SV2B: variants seen among roughly 807,000 people sequenced by gnomAD.
SV2B encodes the protein synaptic vesicle glycoprotein 2B, also known as solute carrier family 22 member B2.
A neutral mutation model predicts 73.9 loss-of-function variants in SV2B; 41 were observed. The ratio of observed to expected loss-of-function variants is 0.56; its 90% CI spans 0.43 to 0.72. The LOEUF is 0.72. Among genes scored for constraint, SV2B ranks in the 30% least tolerant of loss-of-function variants. The pLI is 0.00. For missense variants in SV2B, 764 were observed against 857.8 expected (o/e 0.89, Z 1.37); for synonymous variants, 314 against 314.2 (o/e 1.00, Z 0.01).
rs1331494233 is a variant in SV2B, at chr15:91,139,399, T to C, written c.-392+39036T>C. ...CAAGGAACCTCTCTCTAACCCTAAA[T>C]AACAACAGCCATAATATCAACAGCA... On this transcript the variant is annotated intron_variant, in intron 1 of 12. Coordinates refer to ENST00000394232, the MANE Select transcript of SV2B (RefSeq NM_001323032.3). The surrounding 1 kb of genome is among the most constrained non-coding windows in gnomAD (Gnocchi z 5.2). Among the ~76,000 whole-genome samples, 1 of 151,764 alleles carries C rather than the reference T, an allele frequency of 6.6e-6. No individual in the cohort carries two copies. The highest frequency in any genetic ancestry group is 1.5e-5 in the Non-Finnish European group (1 of 67,954).
chr15:91,219,445 A>C (rs911294643), intron 1 of SV2B, among the ~76,000 whole-genome samples: 2 of 152,190 alleles, frequency 1.3e-5, no homozygotes, highest in African/African-American at 4.8e-5. Context: ...TTAAGACATG[A>C]CAAAATCCTG....
chr15:91,292,705 G>A lies in SV2B; in HGVS notation c.*153G>A, dbSNP rs1048732279. 6.6e-5 allele frequency: 61 copies of A among 917,316 alleles called. 1 individual carries two copies. The highest frequency in any genetic ancestry group is 9.2e-5 in the Non-Finnish European group (59 of 638,578). 56.8% of individuals were successfully genotyped at this position (917,316 alleles called of 1,614,324 possible). On this transcript the variant is annotated 3_prime_UTR_variant, in exon 13 of 13. Transcript: ENST00000394232. ...CCCTAGTTTAGGACCCACTTCAGCTGTCAATATGTTTGTAACTCAGGTGAC... is the reference window on the plus strand; with the variant it reads ...CCCTAGTTTAGGACCCACTTCAGCTATCAATATGTTTGTAACTCAGGTGAC...
rs2042694687 is a variant in SV2B, at chr15:91,132,782, G to A, written c.-392+32419G>A. ...TTGAGCCCAGGAGTTTGAGGCTGCA[G>A]TGAGCTATAGTCGCACCACTGCACT... On this transcript the variant is annotated intron_variant, in intron 1 of 12. Coordinates refer to ENST00000394232, the MANE Select transcript of SV2B (RefSeq NM_001323032.3). The surrounding 1 kb of genome is among the most constrained non-coding windows in gnomAD (Gnocchi z 4.6). Among the ~76,000 whole-genome samples, 1 of 152,132 alleles carries A rather than the reference G, an allele frequency of 6.6e-6. No individual in the cohort carries two copies. The highest frequency in any genetic ancestry group is 1.5e-5 in the Non-Finnish European group (1 of 68,002).
At chr15:91,218,211 A>G (rs1389325205) in intron 1 of SV2B, among the ~76,000 whole-genome samples, 2 of 152,200 alleles carry the variant, frequency 1.3e-5, no homozygotes, top group Non-Finnish European at 2.9e-5. Flanking sequence ...TTGGAGGACA[A>G]AAGGGCATGG....
chr15:91,285,876 G>A (rs1386604755), intron 11 of SV2B, among the ~76,000 whole-genome samples: 1 of 152,134 alleles, frequency 6.6e-6, no homozygotes, highest in Non-Finnish European at 1.5e-5. Flanking sequence ...ACAGAAGTGG[G>A]GTGGGGGTGT....
rs1320793382 is a variant in SV2B at position 91,265,154 on chromosome 15, G to A, written c.1009-1428G>A. 3.9e-5 allele frequency among the ~76,000 whole-genome samples: 6 copies of A among 152,196 alleles called. No homozygotes were observed. The highest frequency in any genetic ancestry group is 7.3e-5 in the Non-Finnish European group (5 of 68,048). On this transcript the variant is annotated intron_variant, in intron 6 of 12. Transcript: ENST00000394232. The surrounding 1 kb of genome is among the most constrained non-coding windows in gnomAD (Gnocchi z 4.2). ...TCCTGTGCGTGTCCCATCAGCAGAC[G>A]TGCTCATAGATGTATTCAGTGGCCT...
At chr15:91,237,764 C>T (rs150889203) in intron 2 of SV2B, among the ~76,000 whole-genome samples, 8 of 152,284 alleles carry the variant, frequency 5.3e-5, no homozygotes, top group Non-Finnish European at 1.0e-4. Flanking sequence ...AGGAACGATC[C>T]CCACATGGCT....
At chr15:91,107,289 A>ATTTGTTTGTTTGTTTG (rs1274580877) in intron 1 of SV2B, among the ~76,000 whole-genome samples, 43 of 148,142 alleles carry the variant, frequency 2.9e-4, no homozygotes, top group Admixed American at 2.1e-3. Context: ...TCATTACTTT[A>ATTTGTTTGTTTGTTTG]TTTGTTTGTT....
intron 6 of SV2B, among the ~76,000 whole-genome samples, chr15:91,264,704 A>G (rs1317586105): frequency 6.6e-6 from 1 of 152,196 alleles, no homozygotes; most frequent in East Asian, 1.9e-4. Flanking sequence ...CTTAGCCAGG[A>G]AATAAATAAA....
At chr15:91,116,394 A>G (rs1397570010) in intron 1 of SV2B, among the ~76,000 whole-genome samples, 2 of 152,214 alleles carry the variant, frequency 1.3e-5, no homozygotes, top group Admixed American at 1.3e-4. Context: ...CGTTATTTGT[A>G]TAATCCCAGC....
At position 91,281,977 on chromosome 15, in the gene SV2B, A is replaced by G. The variant is rs988699437; in HGVS notation, c.1507+116A>G. On this transcript the variant is annotated intron_variant, in intron 10 of 12. Transcript: ENST00000394232. This position sits in a 1 kb window ranked among gnomAD's most constrained non-coding sequence, Gnocchi z 4.7. ...AGTAGGAAAGTATTCGTAGATACAA[A>G]TGCCAAGCCTTGGTGGGGAAATGGA... 28 of 1,229,742 alleles carry G rather than the reference A, an allele frequency of 2.3e-5. No homozygotes were observed. Among genetic ancestry groups the G allele is most frequent in the Non-Finnish European group, 2.8e-5 (26 of 921,298 alleles). 76.2% of individuals were successfully genotyped at this position (1,229,742 alleles called of 1,614,324 possible).
rs770580724 is a variant in SV2B at position 91,240,611 on chromosome 15, T to A, written c.452-11208T>A. Among the ~76,000 whole-genome samples the A allele has an allele frequency of 3.9e-5, 6 of 152,168 alleles. No homozygotes were observed. The highest frequency in any genetic ancestry group is 7.4e-5 in the Non-Finnish European group (5 of 68,020). ...GAGTAAAGAAGATTCTAGAATTCAA[T>A]GTATTCTTGGTAAGCTTCCCAGCAT... On this transcript the variant is annotated intron_variant, in intron 2 of 12. Coordinates refer to ENST00000394232, the MANE Select transcript of SV2B (RefSeq NM_001323032.3). The surrounding 1 kb of genome is among the most constrained non-coding windows in gnomAD (Gnocchi z 4.6).
At chr15:91,173,650 G>T (rs2044203082) in intron 1 of SV2B, among the ~76,000 whole-genome samples, 1 of 152,142 alleles carries the variant, frequency 6.6e-6, no homozygotes, top group South Asian at 2.1e-4. Flanking sequence ...TTCCTAAGTG[G>T]TTGCCCAGTT....
chr15:91,211,451 T>G (rs1175705758), intron 1 of SV2B, among the ~76,000 whole-genome samples: 2 of 151,846 alleles, frequency 1.3e-5, no homozygotes, highest in South Asian at 4.2e-4. Flanking sequence ...TCTTCTTCCA[T>G]CTTCTTCCTC....
chr15:91,179,745 G>A (rs1428118935), intron 1 of SV2B, among the ~76,000 whole-genome samples: 4 of 152,098 alleles, frequency 2.6e-5, no homozygotes, highest in Admixed American at 1.3e-4. Flanking sequence ...CATTTGCTTG[G>A]TAGATCTTCC....
intron 1 of SV2B, among the ~76,000 whole-genome samples, chr15:91,108,811 A>G (rs1245388524): frequency 2.6e-5 from 4 of 152,178 alleles, no homozygotes; most frequent in Admixed American, 6.5e-5. Context: ...ACCTTTGATT[A>G]CAGGTAACGC....
chr15:91,235,815 A>G (rs1202459826), intron 2 of SV2B, among the ~76,000 whole-genome samples: 1 of 152,230 alleles, frequency 6.6e-6, no homozygotes, highest in Non-Finnish European at 1.5e-5. Context: ...TCAAGATTTA[A>G]TCAAAGATAT....
intron 1 of SV2B, among the ~76,000 whole-genome samples, chr15:91,147,156 C>T (rs1339127895): frequency 1.3e-5 from 2 of 152,198 alleles, no homozygotes; most frequent in African/African-American, 2.4e-5. Context: ...GATTTTTAGC[C>T]TTAAACTCTT....
chr15:91,250,964 T>A (rs1226185412), intron 2 of SV2B, among the ~76,000 whole-genome samples: 4 of 152,022 alleles, frequency 2.6e-5, no homozygotes, highest in African/African-American at 9.7e-5. Context: ...ATCCTAAAAT[T>A]CATATAGAAC....
Sources: gnomAD v4.1 joint callset for allele counts (sites outside exome capture counted in the v4.1 genomes callset) on GRCh38, gnomAD v4.1.1 for gene constraint, Gnocchi (gnomAD v3.1) non-coding constraint, MANE v1.5 for transcripts, NCBI Gene and HGNC (gene_info 2026-07-23, HGNC 2026-07-21) for gene names.